The following PAPPA variants were observed in gnomAD, a reference collection of about 807,000 sequenced individuals.
The protein encoded by PAPPA is pappalysin-1.
PAPPA carries 60 observed loss-of-function variants against 164.0 expected under a neutral mutation model. The observed-to-expected ratio is 0.37, with a 90% CI of 0.30 to 0.45. The LOEUF is 0.45. Ranked by LOEUF, PAPPA falls within the 20% of genes least tolerant of loss-of-function variation. PAPPA has a pLI of 1.00. For synonymous variants in PAPPA, 875 were observed against 814.1 expected, an observed-to-expected ratio of 1.07 and a Z score of -1.27; for missense variants, 1,782 against 2,087.3, an observed-to-expected ratio of 0.85 and a Z score of 2.85.
intron 10 of PAPPA, among the ~76,000 whole-genome samples, chr9:116,322,780 G>T (rs987864869): frequency 3.6e-5 from 4 of 109,914 alleles, no homozygotes; most frequent in Non-Finnish European, 9.8e-5. Context: ...CTGGCTGGCT[G>T]TGTGTGTGTG....
chr9:116,262,869 C>G (rs1845019294), intron 7 of PAPPA, among the ~76,000 whole-genome samples: 1 of 152,170 alleles, frequency 6.6e-6, no homozygotes, highest in Non-Finnish European at 1.5e-5. Flanking sequence ...CTTCAGAAGC[C>G]ACTAGCTTAT....
intron 3 of PAPPA, among the ~76,000 whole-genome samples, chr9:116,210,644 T>C (rs1047294880): frequency 1.3e-5 from 2 of 152,218 alleles, no homozygotes; most frequent in Non-Finnish European, 2.9e-5. Context: ...CCATAAATTC[T>C]GCTGAGATCT....
chr9:116,346,929 G>T, intron 14 of PAPPA, 97 bp from the exon 15 acceptor site: 3 of 949,646 alleles, frequency 3.2e-6, no homozygotes, highest in Non-Finnish European at 1.6e-6. Flanking sequence ...CCTAGTGCCT[G>T]GGCGAGACTC....
intron 19 of PAPPA, among the ~76,000 whole-genome samples, chr9:116,368,595 G>A (rs537757628): frequency 1.3e-5 from 2 of 152,228 alleles, no homozygotes; most frequent in Non-Finnish European, 2.9e-5. Context: ...GGGGCCCCCA[G>A]AGCTGATGTG....
intron 18 of PAPPA, 108 bp downstream of exon 18, chr9:116,362,847 T>C: frequency 9.7e-7 from 1 of 1,027,422 alleles, no homozygotes; most frequent in Non-Finnish European, 1.4e-6. Flanking sequence ...AGTTCCTGCG[T>C]AGGCACTACA....
chr9:116,377,473 G>A, intron 19 of PAPPA, 103 bp from the exon 20 acceptor site: 2 of 740,926 alleles, frequency 2.7e-6, no homozygotes, highest in Admixed American at 4.8e-5. Context: ...GTCAGGAATT[G>A]GAAGGTCCCA....
In PAPPA at chr9:116,367,864, C is replaced by A. The variant is rs1846522871; in HGVS notation, c.4605+110C>A. 8 of 748,868 alleles carry A rather than the reference C, an allele frequency of 1.1e-5. No homozygotes were observed. In the South Asian group the frequency reaches 1.1e-4, roughly 11 times the overall value. The allele number at this position is 748,868 out of a possible 1,614,324, so 46.4% of individuals were successfully genotyped here. On this transcript the variant is annotated intron_variant, in intron 19 of 21. Coordinates refer to ENST00000328252, the MANE Select transcript of PAPPA (RefSeq NM_002581.5). ...GTTCATTCTTTCACACATATTACCT[C>A]ATTTAATCATCACACCTGCCCTGTG... is the stretch of plus-strand genomic sequence containing the variant.
At chr9:116,303,047 T>C (rs1564217129) in intron 10 of PAPPA, 97 bp downstream of exon 10, 3 of 919,732 alleles carry the variant, frequency 3.3e-6, no homozygotes, top group Non-Finnish European at 5.0e-6. Context: ...TCATTGGCTA[T>C]AGCCACTTGA....
At chr9:116,225,180 A>T (rs970693344) in intron 5 of PAPPA, among the ~76,000 whole-genome samples, 8 of 152,236 alleles carry the variant, frequency 5.3e-5, no homozygotes, top group Non-Finnish European at 1.0e-4. Context: ...TCATCCCAGA[A>T]CATTTGTAAC....
chr9:116,199,696 T>G, intron 2 of PAPPA, among the ~76,000 whole-genome samples: 1 of 152,244 alleles, frequency 6.6e-6, no homozygotes, highest in African/African-American at 2.4e-5. Context: ...GTATATTGCT[T>G]CAGAGGAATA....
intron 7 of PAPPA, among the ~76,000 whole-genome samples, chr9:116,262,075 T>G (rs1047581756): frequency 6.6e-6 from 1 of 151,656 alleles, no homozygotes; most frequent in African/African-American, 2.4e-5. Context: ...AATTAGCCAC[T>G]GTGGTGGTGC....
chr9:116,250,593 C>T (rs892378388), intron 7 of PAPPA, among the ~76,000 whole-genome samples: 2 of 152,152 alleles, frequency 1.3e-5, no homozygotes, highest in South Asian at 2.1e-4. Context: ...TCTGTGTATA[C>T]GAAGTCAGTC....
Position 116,302,847 on chromosome 9 carries a change from C to G in PAPPA, c.3044C>G (p.Thr1015Arg). Residue 1015 changes from threonine to arginine, a missense_variant, in exon 10 of 22, where the codon ACG (threonine) becomes AGG (arginine). Physicochemically the swap from Thr to Arg is moderately conservative, Grantham distance 71 (BLOSUM62 -1). Around this residue, in one of 2 missense-constraint regions of PAPPA, gnomAD observed 1,324 missense variants for 1,656.9 expected, o/e 0.80. Transcript: ENST00000328252. Reference sequence around the variant, plus strand: ...AGCATTAAGGACTGTGGTGTCTACACGCCCCAGGGATTCCTGGATCAGTGG... The same window carrying G: ...AGCATTAAGGACTGTGGTGTCTACAGGCCCCAGGGATTCCTGGATCAGTGG... ...KTSIKDCGVY[T>R]PQGFLDQWAS... The G allele has an allele frequency of 6.2e-7, 1 of 1,613,932 alleles. No individual in the cohort carries two copies. Among genetic ancestry groups the G allele is most frequent in the Non-Finnish European group, 8.5e-7 (1 of 1,179,832 alleles).
At position 116,207,610 on chromosome 9, in the gene PAPPA, T is replaced by C. The variant is rs1311746825; in HGVS notation, c.1624+9T>C. ...GGCCCTGATGCACTTAGGTGAGTCTTAGAAACTCCTTCAGGAGGCAACTAG... is the reference window on the plus strand; with the variant it reads ...GGCCCTGATGCACTTAGGTGAGTCTCAGAAACTCCTTCAGGAGGCAACTAG... On this transcript the variant is annotated intron_variant, in intron 3 of 21. Transcript: ENST00000328252. 6.2e-6 allele frequency: 10 copies of C among 1,609,606 alleles called. No homozygotes were observed. In the Admixed American group the frequency reaches 1.5e-4, roughly 24 times the overall value.
rs763940414 is a variant in PAPPA, at chr9:116,187,960, C to T, written c.1222C>T (p.Arg408Cys). 10 of 1,614,192 alleles carry T rather than the reference C, an allele frequency of 6.2e-6. No individual in the cohort carries two copies. Among genetic ancestry groups the T allele is most frequent in the East Asian group, 2.2e-5 (1 of 44,878 alleles). The change falls in exon 2 of 22, where the codon CGC becomes TGC. Residue 408 changes from arginine (R) to cysteine (C), a missense_variant. Physicochemically the swap from Arg to Cys is radical, Grantham distance 180 (BLOSUM62 -3). Coordinates refer to ENST00000328252, the MANE Select transcript of PAPPA (RefSeq NM_002581.5). This position sits in a 1 kb window ranked among gnomAD's most constrained non-coding sequence, Gnocchi z 4.2. ...GGTGAGCAACTCCTCCCTTCGCCGC[C>T]GCCTCATCCTGGCCAACTGTGACAT... ...LEVSNSSLRR[R>C]LILANCDISK...
intron 4 of PAPPA, among the ~76,000 whole-genome samples, chr9:116,215,621 C>G (rs1321534572): frequency 3.9e-5 from 6 of 152,058 alleles, no homozygotes; most frequent in Non-Finnish European, 8.8e-5. Context: ...GGGAGAGGAT[C>G]AGGAAAAATT....
intron 21 of PAPPA, among the ~76,000 whole-genome samples, chr9:116,383,161 C>G (rs1003987626): frequency 9.2e-5 from 14 of 152,126 alleles, no homozygotes; most frequent in African/African-American, 2.7e-4. Flanking sequence ...ACATTAACCC[C>G]TCACAGAAAA....
In PAPPA at chr9:116,154,680, T is replaced by TA; in HGVS notation, c.415+93_415+94insA. On this transcript the variant is annotated intron_variant, in intron 1 of 21. Transcript: ENST00000328252. The surrounding 1 kb of genome is among the most constrained non-coding windows in gnomAD (Gnocchi z 5.2). The stretch of plus-strand genomic sequence containing the variant: ...CGCGGGTGGCGGGCGGGTCGGGGGC[T>TA]TGCGGGCGTGTCTGTGCGAGAGCTG... The TA allele has an allele frequency of 8.1e-7, 1 of 1,235,388 alleles. No homozygotes were observed. The highest frequency in any genetic ancestry group is 3.2e-5 in the East Asian group (1 of 31,258). The allele number at this position is 1,235,388 out of a possible 1,614,324, so 76.5% of individuals were successfully genotyped here.
Position 116,398,674 on chromosome 9 carries a change from T to TTA in PAPPA, c.*2060_*2061dup, listed in dbSNP as rs770342589. The TTA allele has an allele frequency of 1.9e-6, 1 of 526,688 alleles. No homozygotes were observed. Among genetic ancestry groups the TTA allele is most frequent in the Non-Finnish European group, 3.4e-6 (1 of 291,422 alleles). 32.6% of individuals were successfully genotyped at this position (526,688 alleles called of 1,614,324 possible). On this transcript the variant is annotated 3_prime_UTR_variant, in exon 22 of 22. Transcript: ENST00000328252. ...AATACGGATGCAGTGCTGAGATAGT[T>TTA]TATGAGACTTGTACCATTTCACAAA...
Sources: allele counts gnomAD v4.1 joint callset (sites outside exome capture counted in the v4.1 genomes callset), GRCh38; gene constraint gnomAD v4.1.1; regional missense constraint gnomAD v4.1.1; non-coding constraint Gnocchi (gnomAD v3.1); transcripts MANE v1.5; gene names NCBI Gene and HGNC (gene_info 2026-07-23, HGNC 2026-07-21).